The following ENPP4 variants were observed in gnomAD, a reference collection of about 807,000 sequenced individuals.
The protein encoded by ENPP4 is ectonucleotide pyrophosphatase/phosphodiesterase 4.
A neutral mutation model predicts 33.4 loss-of-function variants in ENPP4; 18 were observed. The observed-to-expected ratio is 0.54, with a 90% CI of 0.37 to 0.80. The LOEUF is 0.80. Among genes scored for constraint, ENPP4 ranks in the 30% least tolerant of loss-of-function variants. ENPP4 has a pLI of 0.00. For missense variants in ENPP4, 480 were observed against 541.7 expected, an observed-to-expected ratio of 0.89 and a Z score of 1.13; for synonymous variants, 172 against 189.9, an observed-to-expected ratio of 0.91 and a Z score of 0.78.
In ENPP4 at chr6:46,144,687, T is replaced by A. The variant is rs1048079; in HGVS notation, c.*1047T>A. On this transcript the variant is annotated 3_prime_UTR_variant, in exon 4 of 4. Coordinates refer to ENST00000321037, the MANE Select transcript of ENPP4 (RefSeq NM_014936.5). ...TTATGACCCAAATACAAATCTCAAT[T>A]TGACTGGGACAGAATGAGGAATGGA... 110,588 of 336,652 alleles carry A rather than the reference T, an allele frequency of 0.33. 19,335 individuals carry two copies. The highest frequency in any genetic ancestry group is 0.43 in the Middle Eastern group (559 of 1,300). 20.9% of individuals were successfully genotyped at this position (336,652 alleles called of 1,614,324 possible). A position where few individuals can be genotyped will look rare whatever the true frequency, so the allele number is the denominator to read the frequency against.
intron 3 of ENPP4, among the ~76,000 whole-genome samples, 187 bp downstream of exon 3, chr6:46,141,409 T>C (rs1165193131): frequency 6.6e-6 from 1 of 151,704 alleles, no homozygotes; most frequent in Non-Finnish European, 1.5e-5. Flanking sequence ...CACCTTTAAA[T>C]TAGAAAGTAA....
chr6:46,140,984 C>G, intron 2 of ENPP4, 68 bp from the exon 3 acceptor site: 1 of 948,380 alleles, frequency 1.1e-6, no homozygotes, highest in South Asian at 1.7e-5. Context: ...TCCAATTATT[C>G]TAGTTAGACA....
At chr6:46,130,957 G>A (rs889035522) in intron 1 of ENPP4, among the ~76,000 whole-genome samples, 2 of 152,168 alleles carry the variant, frequency 1.3e-5, no homozygotes, top group Non-Finnish European at 1.5e-5. Context: ...GCCAACTACT[G>A]TGAAATATCA....
In ENPP4 at chr6:46,140,013, C is replaced by T; in HGVS notation, c.430C>T (p.His144Tyr). The T allele has an allele frequency of 6.2e-7, 1 of 1,612,718 alleles. No homozygotes were observed. The highest frequency in any genetic ancestry group is 8.5e-7 in the Non-Finnish European group (1 of 1,179,050). Residue 144 changes from histidine to tyrosine, a missense_variant, in exon 2 of 4, where the codon CAC (histidine) becomes TAC (tyrosine). His to Tyr is a moderately conservative substitution (Grantham distance 83). Coordinates refer to ENST00000321037, the MANE Select transcript of ENPP4 (RefSeq NM_014936.5). ...GTGGCCTGGTACTGATGTACCCATT[C>T]ACGATACCATCTCTTCCTATTTTAT... ...AMWPGTDVPI[H>Y]DTISSYFMNY... is the part of the protein sequence containing the mutation.
rs540480344 is a variant in ENPP4, at chr6:46,132,720, C to T, written c.-34+2531C>T. On this transcript the variant is annotated intron_variant, in intron 1 of 3. Transcript: ENST00000321037. ...GTCATTGGTAGCTTGATGGGGATGG[C>T]ATTGAATCTATAAATACCTTGGGCA... Among the ~76,000 whole-genome samples, 5 of 152,288 alleles carry T rather than the reference C, an allele frequency of 3.3e-5. No individual in the cohort carries two copies. The South Asian group carries it at 6.2e-4, about 19-fold the overall frequency.
At chr6:46,139,029 T>C (rs1240474637) in intron 1 of ENPP4, among the ~76,000 whole-genome samples, 1 of 151,824 alleles carries the variant, frequency 6.6e-6, no homozygotes, top group Non-Finnish European at 1.5e-5. Context: ...ATAGCATTTA[T>C]TTCTTATTCC....
In ENPP4 at chr6:46,141,234, G is replaced by A. The variant is rs760038689; in HGVS notation, c.997+12G>A. 1 of 1,596,780 alleles carries A rather than the reference G, an allele frequency of 6.3e-7. No homozygotes were observed. The highest frequency in any genetic ancestry group is 1.1e-5 in the South Asian group (1 of 90,292). On this transcript the variant is annotated intron_variant, in intron 3 of 3. Coordinates refer to ENST00000321037, the MANE Select transcript of ENPP4 (RefSeq NM_014936.5). ...ATCATCACAAAAATGTAAGTATTTA[G>A]TTGAGATATTTCTGTTGTATCCTAG... is the stretch of plus-strand genomic sequence containing the variant.
In ENPP4 at chr6:46,145,183, T is replaced by C. The variant is rs1405129936; in HGVS notation, c.*1543T>C. ...GCAGCCCAGTTAAATATTGATTATC[T>C]GTGATGGTAAAGAACAACAGTGGTG... On this transcript the variant is annotated 3_prime_UTR_variant, in exon 4 of 4. Transcript: ENST00000321037. 5 of 350,550 alleles carry C rather than the reference T, an allele frequency of 1.4e-5. No individual in the cohort carries two copies. Among genetic ancestry groups the C allele is most frequent in the South Asian group, 3.0e-4 (2 of 6,630 alleles). 21.7% of individuals were successfully genotyped at this position (350,550 alleles called of 1,614,324 possible).
chr6:46,143,561 T>C lies in ENPP4; in HGVS notation c.1283T>C (p.Met428Thr), dbSNP rs764148656. 7 of 1,612,526 alleles carry C rather than the reference T, an allele frequency of 4.3e-6. No individual in the cohort carries two copies. The highest frequency in any genetic ancestry group is 5.9e-6 in the Non-Finnish European group (7 of 1,178,962). ...LTMLTCLIII[M>T]QNRLSVPRPF... ...ATGCTAACATGCCTCATAATAATCATGCAGAATAGACTTTCTGTACCTCGT... is the reference window on the plus strand; with the variant it reads ...ATGCTAACATGCCTCATAATAATCACGCAGAATAGACTTTCTGTACCTCGT... Residue 428 changes from methionine (M) to threonine (T), a missense_variant, in exon 4 of 4, where the codon ATG (methionine) becomes ACG (threonine). Coordinates refer to ENST00000321037, the MANE Select transcript of ENPP4 (RefSeq NM_014936.5).
At position 46,145,695 on chromosome 6, in the gene ENPP4, A is replaced by G. The variant is rs1272659033; in HGVS notation, c.*2055A>G. 1 of 151,850 alleles carries G rather than the reference A, an allele frequency of 6.6e-6. No homozygotes were observed. The highest frequency in any genetic ancestry group is 1.5e-5 in the Non-Finnish European group (1 of 67,860). The allele number at this position is 151,850 out of a possible 1,614,324, so 9.4% of individuals were successfully genotyped here. The stretch of plus-strand genomic sequence containing the variant: ...CATCCAACTCATGAGTGGATTTTAT[A>G]TAGGATGGAACAGGAAGGTATGTCC... On this transcript the variant is annotated 3_prime_UTR_variant, in exon 4 of 4. Coordinates refer to ENST00000321037, the MANE Select transcript of ENPP4 (RefSeq NM_014936.5).
At chr6:46,132,972 A>C (rs983833924) in intron 1 of ENPP4, among the ~76,000 whole-genome samples, 13 of 152,004 alleles carry the variant, frequency 8.6e-5, no homozygotes, top group African/African-American at 2.9e-4. Flanking sequence ...GATGTATAAG[A>C]ATGCTTGTGA....
intron 1 of ENPP4, among the ~76,000 whole-genome samples, chr6:46,138,566 C>G (rs979440814): frequency 1.3e-4 from 19 of 151,790 alleles, no homozygotes; most frequent in African/African-American, 4.3e-4. Context: ...ATAATTGACC[C>G]TACCTCCGGC....
chr6:46,145,413 T>C lies in ENPP4; in HGVS notation c.*1773T>C, dbSNP rs1360329448. 3 of 152,566 alleles carry C rather than the reference T, an allele frequency of 2.0e-5. No individual in the cohort carries two copies. Among genetic ancestry groups the C allele is most frequent in the African/African-American group, 7.2e-5 (3 of 41,458 alleles). 9.5% of individuals were successfully genotyped at this position (152,566 alleles called of 1,614,324 possible). The stretch of plus-strand genomic sequence containing the variant: ...ACTAATTTTGCTTTAAAAAAATTTC[T>C]AATTTTTTTCACATAAAACAATTAT... On this transcript the variant is annotated 3_prime_UTR_variant, in exon 4 of 4. Transcript: ENST00000321037.
chr6:46,139,373 A>C (rs1764021341), intron 1 of ENPP4, among the ~76,000 whole-genome samples, 178 bp from the exon 2 acceptor site: 1 of 120,014 alleles, frequency 8.3e-6, no homozygotes, highest in African/African-American at 2.6e-5. Flanking sequence ...AAATTGGACA[A>C]GACAATTTTT....
rs1764132367 is a variant in ENPP4, at chr6:46,145,848, A to T, written c.*2208A>T. On this transcript the variant is annotated 3_prime_UTR_variant, in exon 4 of 4. Transcript: ENST00000321037. ...TATATGTTGATGGGACAAGAAGAAT[A>T]GTATTTATTTAATAAAACATATATT... The T allele has an allele frequency of 6.6e-6, 1 of 151,954 alleles. No individual in the cohort carries two copies. The highest frequency in any genetic ancestry group is 1.5e-5 in the Non-Finnish European group (1 of 67,870). 9.4% of individuals were successfully genotyped at this position (151,954 alleles called of 1,614,324 possible).
intron 3 of ENPP4, among the ~76,000 whole-genome samples, chr6:46,142,186 G>C (rs1764071631): frequency 6.6e-6 from 1 of 150,934 alleles, no homozygotes; most frequent in South Asian, 2.1e-4. Flanking sequence ...CGAAAGTATA[G>C]AAAAGCATAG....
chr6:46,139,138 CA>C (rs1179564155), intron 1 of ENPP4, among the ~76,000 whole-genome samples: 25 of 151,722 alleles, frequency 1.6e-4, no homozygotes, highest in African/African-American at 6.0e-4. Flanking sequence ...CTATAAAGTA[CA>C]ATTTATTAAA....
rs945699083 is a variant in ENPP4 at position 46,139,951 on chromosome 6, A to G, written c.368A>G (p.Asn123Ser). 1.1e-5 allele frequency: 17 copies of G among 1,612,868 alleles called. No individual in the cohort carries two copies. Among genetic ancestry groups the G allele is most frequent in the Admixed American group, 1.7e-5 (1 of 59,908 alleles). The stretch of plus-strand genomic sequence containing the variant: ...GAGGCAGTACCTATTTGGGTGACCA[A>G]TCAGCTTCAGGAAAACAGATCAAGT... ...WNEAVPIWVT[N>S]QLQENRSSAA... Residue 123 changes from asparagine to serine, a missense_variant, in exon 2 of 4, where the codon AAT (asparagine) becomes AGT (serine). Transcript: ENST00000321037.
chr6:46,134,137 T>C (rs952794818), intron 1 of ENPP4, among the ~76,000 whole-genome samples: 1 of 152,120 alleles, frequency 6.6e-6, no homozygotes. Flanking sequence ...CATAGTACAG[T>C]CTTGTTTTTT....
Sources: gnomAD v4.1 joint callset for allele counts (sites outside exome capture counted in the v4.1 genomes callset) on GRCh38, gnomAD v4.1.1 for gene constraint, MANE v1.5 for transcripts, NCBI Gene and HGNC (gene_info 2026-07-23, HGNC 2026-07-21) for gene names.